PDGFC: variants seen among roughly 807,000 people sequenced by gnomAD.
PDGFC encodes platelet-derived growth factor C.
Under a neutral mutation model 35.5 loss-of-function variants are expected in PDGFC, and 12 were observed. The observed-to-expected ratio is 0.34, with a 90% CI of 0.22 to 0.55. The LOEUF is 0.55. Ranked by LOEUF, PDGFC falls within the 20% of genes least tolerant of loss-of-function variation. The pLI, the probability that PDGFC is intolerant of heterozygous loss-of-function variation, is 0.91. For synonymous variants in PDGFC, 159 were observed against 148.8 expected (o/e 1.07, Z -0.50); for missense variants, 322 against 412.4 (o/e 0.78, Z 1.90).
intron 1 of PDGFC, among the ~76,000 whole-genome samples, chr4:156,887,581 T>C (rs1730404737): frequency 6.6e-6 from 1 of 152,304 alleles, no homozygotes; most frequent in East Asian, 1.9e-4. Flanking sequence ...GGTTGATTGA[T>C]ACCAGGAGAA....
intron 1 of PDGFC, among the ~76,000 whole-genome samples, chr4:156,925,002 G>A (rs1361636776): frequency 6.6e-6 from 1 of 152,162 alleles, no homozygotes; most frequent in African/African-American, 2.4e-5. Context: ...GGGCCTTGCA[G>A]GAGGCTTCAG....
At position 156,806,809 on chromosome 4, in the gene PDGFC, T is replaced by C. The variant is rs146848142; in HGVS notation, c.495+4028A>G. ...TTATCATTTTAAATAATGGTGCTTATGCTACAGTACACAGAGTAAAACATA... is the reference window on the plus strand; with the variant it reads ...TTATCATTTTAAATAATGGTGCTTACGCTACAGTACACAGAGTAAAACATA... On this transcript the variant is annotated intron_variant, in intron 3 of 5. Coordinates refer to ENST00000502773, the MANE Select transcript of PDGFC (RefSeq NM_016205.3). Among the ~76,000 whole-genome samples the C allele has an allele frequency of 3.3e-3, 502 of 152,148 alleles. 4 individuals are homozygous for C. The highest frequency in any genetic ancestry group is 0.012 in the African/African-American group (484 of 41,548).
intron 1 of PDGFC, among the ~76,000 whole-genome samples, chr4:156,891,041 C>A (rs970084675): frequency 6.6e-6 from 1 of 151,734 alleles, no homozygotes; most frequent in African/African-American, 2.4e-5. Flanking sequence ...TATGTAAAAG[C>A]CTTCTACACA....
intron 3 of PDGFC, among the ~76,000 whole-genome samples, chr4:156,793,858 T>C (rs1415867774): frequency 6.7e-6 from 1 of 148,620 alleles, no homozygotes; most frequent in Non-Finnish European, 1.5e-5. Context: ...TTTATATAGG[T>C]AGATTCATGG....
chr4:156,948,209 T>G (rs1319632345), intron 1 of PDGFC, among the ~76,000 whole-genome samples: 1 of 145,068 alleles, frequency 6.9e-6, no homozygotes, highest in Non-Finnish European at 1.5e-5. Flanking sequence ...AGAGGGGATG[T>G]ACAGCTAAAA....
chr4:156,943,574 T>C (rs1173430929), intron 1 of PDGFC, among the ~76,000 whole-genome samples: 2 of 152,140 alleles, frequency 1.3e-5, no homozygotes, highest in Non-Finnish European at 2.9e-5. Flanking sequence ...TGGAGCTACA[T>C]TGGAGTGTTT....
intron 5 of PDGFC, among the ~76,000 whole-genome samples, chr4:156,765,166 G>A (rs1560801902): frequency 6.6e-6 from 1 of 152,138 alleles, no homozygotes; most frequent in Non-Finnish European, 1.5e-5. Flanking sequence ...TCTAATGGTG[G>A]AGGACACAAT....
intron 1 of PDGFC, among the ~76,000 whole-genome samples, chr4:156,969,110 G>T (rs1732530545): frequency 1.3e-5 from 2 of 152,184 alleles, no homozygotes; most frequent in African/African-American, 2.4e-5. Flanking sequence ...GGCAATAGGA[G>T]AAATGATATG....
At chr4:156,945,722 T>G (rs1386458041) in intron 1 of PDGFC, among the ~76,000 whole-genome samples, 4 of 151,942 alleles carry the variant, frequency 2.6e-5, no homozygotes. Flanking sequence ...CTCATAATCT[T>G]GCAAAAAGCA....
At chr4:156,781,310 C>T (rs1191543131) in intron 3 of PDGFC, among the ~76,000 whole-genome samples, 2 of 152,150 alleles carry the variant, frequency 1.3e-5, no homozygotes, top group Non-Finnish European at 2.9e-5. Context: ...ACATGTGAAA[C>T]AGTCTTCTAA....
intron 1 of PDGFC, among the ~76,000 whole-genome samples, chr4:156,905,393 C>A (rs2218340): frequency 0.016 from 2,480 of 151,976 alleles, 73 homozygotes; most frequent in African/African-American, 0.057. Context: ...ATTATATGTG[C>A]CAATTTATAA....
intron 1 of PDGFC, among the ~76,000 whole-genome samples, chr4:156,867,972 G>A (rs1045062750): frequency 8.6e-5 from 13 of 151,974 alleles, no homozygotes; most frequent in Non-Finnish European, 7.4e-5. Flanking sequence ...CCACTTCTTG[G>A]GTTCAAGCGA....
At chr4:156,763,482 G>A (rs868731656) in intron 5 of PDGFC, among the ~76,000 whole-genome samples, 33 of 151,758 alleles carry the variant, frequency 2.2e-4, no homozygotes, top group Middle Eastern at 3.4e-3. Context: ...GACTCACCAC[G>A]CAATTGTTAT....
intron 1 of PDGFC, among the ~76,000 whole-genome samples, chr4:156,882,376 T>C (rs1380378701): frequency 6.6e-6 from 1 of 152,010 alleles, no homozygotes; most frequent in Non-Finnish European, 1.5e-5. Context: ...AAAGTAAAAA[T>C]AACAAAAATA....
chr4:156,940,807 A>G (rs1731787805), intron 1 of PDGFC, among the ~76,000 whole-genome samples: 1 of 152,166 alleles, frequency 6.6e-6, no homozygotes, highest in African/African-American at 2.4e-5. Context: ...GCAGAGACAG[A>G]TATGACAATT....
chr4:156,927,914 T>G (rs1340065666), intron 1 of PDGFC, among the ~76,000 whole-genome samples: 1 of 152,114 alleles, frequency 6.6e-6, no homozygotes, highest in East Asian at 1.9e-4. Flanking sequence ...TACTCAAGAC[T>G]GGGAAGAAAA....
chr4:156,864,132 GAA>G (rs950879266), intron 1 of PDGFC, among the ~76,000 whole-genome samples: 1 of 151,878 alleles, frequency 6.6e-6, no homozygotes, highest in Non-Finnish European at 1.5e-5. Flanking sequence ...AACTGCCTAA[GAA>G]AAAAGTTTAT....
chr4:156,830,726 G>T (rs1728911887), intron 2 of PDGFC, among the ~76,000 whole-genome samples: 1 of 152,138 alleles, frequency 6.6e-6, no homozygotes. Context: ...TCTAATGGTG[G>T]CTTTCAAAAT....
intron 3 of PDGFC, chr4:156,774,585 G>A (rs768710829): frequency 2.6e-5 from 4 of 151,928 alleles, no homozygotes; most frequent in Non-Finnish European, 4.4e-5. Flanking sequence ...GCCCACAGGG[G>A]AACATTCTTA....
Sources: gnomAD v4.1 joint callset for allele counts (sites outside exome capture counted in the v4.1 genomes callset) on GRCh38, gnomAD v4.1.1 for gene constraint, MANE v1.5 for transcripts, NCBI Gene and HGNC (gene_info 2026-07-23, HGNC 2026-07-21) for gene names.